Variants in MRC1 observed in about 807,000 individuals in gnomAD.
MRC1 encodes the protein macrophage mannose receptor 1.
In MRC1, 62 loss-of-function variants were observed where a neutral mutation model predicts 102.9. The observed-to-expected ratio is 0.60, with a 90% CI of 0.49 to 0.74. MRC1 has a LOEUF of 0.74. MRC1 is among the 30% of genes least tolerant of loss of function. The pLI is 0.00. For synonymous variants in MRC1, 457 were observed against 298.4 expected, an observed-to-expected ratio of 1.53 and a Z score of -5.48; for missense variants, 1,237 against 862.8, an observed-to-expected ratio of 1.43 and a Z score of -5.43.
intron 9 of MRC1, 69 bp from the exon 10 acceptor site, chr10:17,861,318 A>G: frequency 1.4e-6 from 1 of 707,926 alleles, no homozygotes. Context: ...CATCTCAAAT[A>G]ATAATAATAT....
At chr10:17,891,311 C>CAT (rs1833671968) in intron 22 of MRC1, among the ~76,000 whole-genome samples, 3 of 151,692 alleles carry the variant, frequency 2.0e-5, no homozygotes, top group Non-Finnish European at 4.4e-5. Flanking sequence ...GGACTACAGG[C>CAT]GCCCGCCACC....
chr10:17,875,459 C>A (rs952403198), intron 17 of MRC1, among the ~76,000 whole-genome samples: 13 of 152,190 alleles, frequency 8.5e-5, no homozygotes, highest in African/African-American at 2.4e-4. Flanking sequence ...TTGTATCATT[C>A]TTATGCCTTT....
intron 29 of MRC1, 45 bp downstream of exon 29, chr10:17,909,392 C>A: frequency 1.2e-6 from 1 of 835,236 alleles, no homozygotes; most frequent in Non-Finnish European, 2.1e-6. Context: ...GTAATACATC[C>A]GTACTGTTTG....
rs1046809912 is a variant in MRC1, at chr10:17,852,958, C to T, written c.1250-9C>T. 1.4e-4 allele frequency: 107 copies of T among 780,652 alleles called. No homozygotes were observed. Among genetic ancestry groups the T allele is most frequent in the Non-Finnish European group, 2.2e-4 (93 of 417,930 alleles). The allele number at this position is 780,652 out of a possible 1,614,324, so 48.4% of individuals were successfully genotyped here. The stretch of plus-strand genomic sequence containing the variant: ...TTGTATATACCACTGTGTGTTTCTT[C>T]CTGTTTAGAGCCAAATGACGAATTG... On this transcript the variant is annotated splice_polypyrimidine_tract_variant and intron_variant, in intron 7 of 29. Coordinates refer to ENST00000569591, the MANE Select transcript of MRC1 (RefSeq NM_002438.4).
At chr10:17,842,252 C>T (rs998436019) in intron 5 of MRC1, among the ~76,000 whole-genome samples, 1 of 152,234 alleles carries the variant, frequency 6.6e-6, no homozygotes, top group African/African-American at 2.4e-5. Context: ...GCGTGAGCCA[C>T]TGCGCCTGGC....
At chr10:17,884,891 C>T (rs1191598524) in intron 21 of MRC1, among the ~76,000 whole-genome samples, 3 of 152,188 alleles carry the variant, frequency 2.0e-5, no homozygotes, top group African/African-American at 4.8e-5. Flanking sequence ...ATCAGATTAT[C>T]TTATTTACAG....
rs1833955907 is a variant in MRC1 at position 17,910,575 on chromosome 10, G to T, written c.*110G>T. 2.7e-6 allele frequency: 2 copies of T among 748,308 alleles called. No individual in the cohort carries two copies. The highest frequency in any genetic ancestry group is 4.9e-6 in the Non-Finnish European group (2 of 404,448). The allele number at this position is 748,308 out of a possible 1,614,324, so 46.4% of individuals were successfully genotyped here. On this transcript the variant is annotated 3_prime_UTR_variant, in exon 30 of 30. Coordinates refer to ENST00000569591, the MANE Select transcript of MRC1 (RefSeq NM_002438.4). ...TTAAAATGAGTACTGAATTGTACTG[G>T]TCTGTCCTTTTTTCCTTTGCCTAAT...
chr10:17,812,518 T>C (rs913493701), intron 1 of MRC1, among the ~76,000 whole-genome samples: 3 of 151,520 alleles, frequency 2.0e-5, no homozygotes, highest in Non-Finnish European at 2.9e-5. Context: ...TTCAAGCTAC[T>C]GACTTGATGC....
intron 16 of MRC1, among the ~76,000 whole-genome samples, 169 bp from the exon 17 acceptor site, chr10:17,874,921 G>C (rs1833408428): frequency 6.6e-6 from 1 of 152,154 alleles, no homozygotes; most frequent in African/African-American, 2.4e-5. Context: ...ATTTGGGCTG[G>C]GGTTCAGATG....
chr10:17,848,022 G>A (rs1838852197), intron 6 of MRC1, among the ~76,000 whole-genome samples: 1 of 150,766 alleles, frequency 6.6e-6, no homozygotes, highest in South Asian at 2.1e-4. Flanking sequence ...CAATTGTACA[G>A]CATTTGAGCC....
intron 7 of MRC1, among the ~76,000 whole-genome samples, chr10:17,851,762 A>C (rs1351883805): frequency 6.6e-6 from 1 of 152,212 alleles, no homozygotes; most frequent in Non-Finnish European, 1.5e-5. Context: ...AAGTGAAAGG[A>C]GAAGAGGATC....
At chr10:17,856,405 C>A (rs537977742) in intron 9 of MRC1, 53 bp downstream of exon 9, 61 of 809,818 alleles carry the variant, frequency 7.5e-5, no homozygotes, top group Non-Finnish European at 1.2e-4. Context: ...GAGTTGATAC[C>A]GTTGGCTTTA....
chr10:17,887,697 A>C (rs1833619185), intron 22 of MRC1, among the ~76,000 whole-genome samples: 1 of 152,196 alleles, frequency 6.6e-6, no homozygotes, highest in East Asian at 1.9e-4. Context: ...GAAAAACAAC[A>C]CTGCTCATTT....
chr10:17,874,440 C>A (rs1189254455), intron 16 of MRC1, among the ~76,000 whole-genome samples: 1 of 152,310 alleles, frequency 6.6e-6, no homozygotes, highest in Admixed American at 6.5e-5. Context: ...TTAGGGCTCA[C>A]CTAGATGATC....
At chr10:17,818,188 A>G (rs933505807) in intron 1 of MRC1, among the ~76,000 whole-genome samples, 20 of 152,332 alleles carry the variant, frequency 1.3e-4, no homozygotes, top group African/African-American at 4.1e-4. Context: ...TCAGGGGAAA[A>G]ATGAATATTC....
chr10:17,839,973 G>A (rs1273153951), intron 4 of MRC1, among the ~76,000 whole-genome samples: 2 of 151,126 alleles, frequency 1.3e-5, no homozygotes, highest in African/African-American at 4.9e-5. Flanking sequence ...GGCTGAGGCA[G>A]GAGAATCGCT....
chr10:17,907,253 T>A (rs1437636432), intron 27 of MRC1, among the ~76,000 whole-genome samples: 1 of 152,218 alleles, frequency 6.6e-6, no homozygotes, highest in Non-Finnish European at 1.5e-5. Context: ...TTTCTATGTT[T>A]TCGTGGGGCC....
chr10:17,880,443 G>A (rs1833497876), intron 19 of MRC1, 82 bp from the exon 20 acceptor site: 1 of 754,386 alleles, frequency 1.3e-6, no homozygotes, highest in Non-Finnish European at 2.5e-6. Flanking sequence ...GAGAATTCTT[G>A]TAAAATAGAA....
intron 15 of MRC1, 100 bp downstream of exon 15, chr10:17,872,226 C>G: frequency 1.3e-6 from 1 of 775,246 alleles, no homozygotes; most frequent in Non-Finnish European, 2.4e-6. Flanking sequence ...AACAAAATAA[C>G]AAAATCAGGA....
Sources: allele counts gnomAD v4.1 joint callset (sites outside exome capture counted in the v4.1 genomes callset), GRCh38; gene constraint gnomAD v4.1.1; transcripts MANE v1.5; gene names NCBI Gene and HGNC (gene_info 2026-07-23, HGNC 2026-07-21).